Variants in CLDN10 observed in about 807,000 individuals in gnomAD.
CLDN10 encodes the protein claudin 10, also known as claudin-10.
CLDN10 carries 15 observed loss-of-function variants against 22.9 expected under a neutral mutation model. That is an observed-to-expected ratio of 0.65 (90% CI 0.44 to 1.01). CLDN10 has a LOEUF of 1.01. Among genes scored for constraint, CLDN10 ranks in the 50% least tolerant of loss-of-function variants. The pLI is 0.00. For synonymous variants in CLDN10, 114 were observed against 111.4 expected (o/e 1.02, Z -0.15); for missense variants, 247 against 287.8 (o/e 0.86, Z 1.03).
At chr13:95,500,226 C>A (rs981839542) in intron 1 of CLDN10, among the ~76,000 whole-genome samples, 1 of 152,208 alleles carries the variant, frequency 6.6e-6, no homozygotes, top group African/African-American at 2.4e-5. Flanking sequence ...GAGACACACT[C>A]TAAACAGATA....
chr13:95,506,626 C>A (rs961904968), intron 1 of CLDN10, among the ~76,000 whole-genome samples: 1 of 152,128 alleles, frequency 6.6e-6, no homozygotes, highest in Admixed American at 6.6e-5. Context: ...CAAGGTGGAC[C>A]CGTTCCTGTC....
At chr13:95,530,640 C>A (rs1203064879) in intron 1 of CLDN10, among the ~76,000 whole-genome samples, 1 of 152,128 alleles carries the variant, frequency 6.6e-6, no homozygotes, top group South Asian at 2.1e-4. Context: ...AAGAAAAATA[C>A]CTGCTACATA....
chr13:95,461,904 C>A (rs1184410865), intron 1 of CLDN10, among the ~76,000 whole-genome samples: 7 of 151,822 alleles, frequency 4.6e-5, no homozygotes, highest in Admixed American at 4.6e-4. Flanking sequence ...CCAACCTGGG[C>A]AACATAGCAA....
chr13:95,443,685 G>T (rs1200035152), intron 1 of CLDN10, among the ~76,000 whole-genome samples: 1 of 152,136 alleles, frequency 6.6e-6, no homozygotes, highest in Non-Finnish European at 1.5e-5. Flanking sequence ...CAAGTTGTCT[G>T]GTTGCCACCC....
At chr13:95,538,295 G>A (rs1372211336) in intron 1 of CLDN10, among the ~76,000 whole-genome samples, 3 of 147,134 alleles carry the variant, frequency 2.0e-5, no homozygotes, top group African/African-American at 5.0e-5. Context: ...CCACCACCAC[G>A]CCTGGCTAGT....
At chr13:95,516,980 TTCCTTC>T (rs2043174255) in intron 1 of CLDN10, among the ~76,000 whole-genome samples, 2 of 10,296 alleles carry the variant, frequency 1.9e-4, no homozygotes, top group African/African-American at 3.3e-4. Flanking sequence ...CCTTCCTTCC[TTCCTTC>T]CTTCCTTCCT....
At chr13:95,447,937 GGT>G (rs1034391262) in intron 1 of CLDN10, among the ~76,000 whole-genome samples, 7 of 152,090 alleles carry the variant, frequency 4.6e-5, no homozygotes, top group Non-Finnish European at 8.8e-5. Flanking sequence ...GCCCTGCGGG[GGT>G]GCAGCTATGC....
intron 1 of CLDN10, among the ~76,000 whole-genome samples, chr13:95,524,783 A>G (rs970687120): frequency 1.3e-5 from 2 of 152,122 alleles, no homozygotes; most frequent in African/African-American, 4.8e-5. Context: ...CCAGCAATGT[A>G]TGAGGGTTCT....
intron 3 of CLDN10, among the ~76,000 whole-genome samples, chr13:95,575,207 A>T (rs1233521053): frequency 6.6e-6 from 1 of 152,244 alleles, no homozygotes; most frequent in Non-Finnish European, 1.5e-5. Context: ...GTACTGGGAA[A>T]AAAACAGAGA....
chr13:95,498,146 G>C (rs1461842496), intron 1 of CLDN10, among the ~76,000 whole-genome samples: 1 of 152,180 alleles, frequency 6.6e-6, no homozygotes, highest in Non-Finnish European at 1.5e-5. Context: ...GTCAGTGTGT[G>C]ACCTGAGGAA....
At chr13:95,498,520 G>A (rs1464464264) in intron 1 of CLDN10, among the ~76,000 whole-genome samples, 2 of 151,824 alleles carry the variant, frequency 1.3e-5, no homozygotes, top group African/African-American at 2.4e-5. Flanking sequence ...TCAGCCTCCC[G>A]AGTAGCTGGG....
At chr13:95,433,881 T>C in exon 1 of CLDN10, 2 of 1,614,172 alleles carry the variant, frequency 1.2e-6, no homozygotes, top group Non-Finnish European at 1.7e-6. Context: ...TCGGAGGGTT[T>C]GGAGCTCTCG....
At chr13:95,518,648 A>G (rs2043193997) in intron 1 of CLDN10, among the ~76,000 whole-genome samples, 1 of 152,196 alleles carries the variant, frequency 6.6e-6, no homozygotes, top group Non-Finnish European at 1.5e-5. Context: ...AATTCCAGCT[A>G]TTCAGGAGGT....
At chr13:95,479,036 A>C (rs1566291476) in intron 1 of CLDN10, among the ~76,000 whole-genome samples, 1 of 152,230 alleles carries the variant, frequency 6.6e-6, no homozygotes, top group Non-Finnish European at 1.5e-5. Context: ...CAGTGGTAGA[A>C]GATAACAAGC....
Position 95,488,037 on chromosome 13 carries a change from G to A in CLDN10, c.214+53990G>A, listed in dbSNP as rs575215113. On this transcript the variant is annotated intron_variant, in intron 1 of 4. Coordinates refer to the CLDN10 transcript ENST00000376873. Reference sequence around the variant, plus strand: ...GTCTCGCTCTGTCACCCAGGCTGGAGTGCAGTGGCGTGATCTCGACTCACC... The same window carrying A: ...GTCTCGCTCTGTCACCCAGGCTGGAATGCAGTGGCGTGATCTCGACTCACC... Among the ~76,000 whole-genome samples the A allele has an allele frequency of 7.9e-5, 12 of 151,500 alleles. No individual in the cohort carries two copies. In the South Asian group the frequency reaches 2.1e-3, roughly 26 times the overall value.
chr13:95,529,117 T>C (rs1055481451), intron 1 of CLDN10, among the ~76,000 whole-genome samples: 1 of 152,160 alleles, frequency 6.6e-6, no homozygotes, highest in Non-Finnish European at 1.5e-5. Flanking sequence ...ATTTTTTTTT[T>C]AATTTTTGTC....
rs149628902 is a variant in CLDN10 at position 95,454,870 on chromosome 13, T to C, written c.214+20823T>C. 1.9e-3 allele frequency among the ~76,000 whole-genome samples: 295 copies of C among 152,178 alleles called. 9 individuals carry two copies. The East Asian group carries it at 0.046, about 24-fold the overall frequency. On this transcript the variant is annotated intron_variant, in intron 1 of 4. Transcript: ENST00000376873. ...CCACCCCTTTACAATCAAGTTTGAG[T>C]CACAAGCCTGCAAGTCCAGTCAAAA...
At chr13:95,441,781 G>A (rs2042326675) in intron 1 of CLDN10, among the ~76,000 whole-genome samples, 1 of 152,188 alleles carries the variant, frequency 6.6e-6, no homozygotes, top group Non-Finnish European at 1.5e-5. Flanking sequence ...CCTTAGGAAT[G>A]TGATGGACCC....
At chr13:95,440,476 G>A (rs947789822) in intron 1 of CLDN10, among the ~76,000 whole-genome samples, 3 of 152,172 alleles carry the variant, frequency 2.0e-5, no homozygotes, top group Non-Finnish European at 4.4e-5. Flanking sequence ...AGGAGTTCAA[G>A]ACCAGCCTGG....
Sources: gnomAD v4.1 joint callset for allele counts (sites outside exome capture counted in the v4.1 genomes callset) on GRCh38, gnomAD v4.1.1 for gene constraint, MANE v1.5 for transcripts, NCBI Gene and HGNC (gene_info 2026-07-23, HGNC 2026-07-21) for gene names.